Variants in IFIH1 observed in about 807,000 individuals in gnomAD.
IFIH1 encodes the protein interferon-induced helicase C domain-containing protein 1.
A neutral mutation model predicts 107.4 loss-of-function variants in IFIH1; 125 were observed. That is an observed-to-expected ratio of 1.16 (90% CI 1.01 to 1.35). The LOEUF (loss-of-function observed/expected upper bound fraction) is 1.35, where lower values mean the gene tolerates loss of function less well. IFIH1 is among the 40% of genes most tolerant of loss of function. IFIH1 has a pLI of 0.00. For missense variants in IFIH1, 1,333 were observed against 1,213.7 expected (o/e 1.10, Z -1.46); for synonymous variants, 458 against 413.2 (o/e 1.11, Z -1.31).
chr2:162,282,468 C>G lies in IFIH1; in HGVS notation c.1204G>C (p.Glu402Gln). The G allele has an allele frequency of 6.2e-7, 1 of 1,611,506 alleles. No homozygotes were observed. Among genetic ancestry groups the G allele is most frequent in the Non-Finnish European group, 8.5e-7 (1 of 1,178,272 alleles). Reference sequence around the variant, plus strand: ...ATAATATCACAGGACTTGACAACTTCTGGAAATGATATTTTCAGTTGGGTA... The same window carrying G: ...ATAATATCACAGGACTTGACAACTTGTGGAAATGATATTTTCAGTTGGGTA... The part of the protein sequence containing the change: ...GDTQLKISFP[E>Q]VVKSCDIIIS... Residue 402 changes from glutamate (E) to glutamine (Q), a missense_variant, in exon 6 of 16, where the codon GAA becomes CAA. Glu to Gln is a conservative substitution (Grantham distance 29). Transcript: ENST00000649979.
rs752494417 is a variant in IFIH1 at position 162,277,599 on chromosome 2, T to C, written c.1860A>G (p.Ile620Met). ...AAGTTTCAAGATGAGTATACGCATC[T>C]ATCATTCGAATTGTGTCATTAATTT... Reference protein sequence around the residue: ...ALQINDTIRMIDAYTHLETFY... With the variant: ...ALQINDTIRMMDAYTHLETFY... The change falls in exon 10 of 16, where the codon ATA (isoleucine) becomes ATG (methionine). Residue 620 changes from isoleucine to methionine, a missense_variant. Transcript: ENST00000649979. The C allele has an allele frequency of 1.9e-5, 30 of 1,613,062 alleles. No homozygotes were observed. In the Admixed American group the frequency reaches 4.2e-4, roughly 22 times the overall value.
intron 1 of IFIH1, among the ~76,000 whole-genome samples, chr2:162,314,197 AGCATCCTAAAAGAGGAGCAAG>A (rs1683429286): frequency 6.6e-6 from 1 of 152,202 alleles, no homozygotes; most frequent in Non-Finnish European, 1.5e-5. Flanking sequence ...ATTGTAACTT[AGCATCCTAAAAGAGGAGCAAG>A]GCAGTACAGG....
chr2:162,309,287 C>G (rs1007079767), intron 2 of IFIH1, among the ~76,000 whole-genome samples: 6 of 152,192 alleles, frequency 3.9e-5, no homozygotes, highest in Non-Finnish European at 7.4e-5. Flanking sequence ...GAGGATAGCT[C>G]TGCTTCTGAG....
chr2:162,285,266 G>A (rs1576228359), intron 5 of IFIH1, among the ~76,000 whole-genome samples: 1 of 151,980 alleles, frequency 6.6e-6, no homozygotes, highest in South Asian at 2.1e-4. Flanking sequence ...GAAAGTCTGG[G>A]AACACAGGTG....
intron 9 of IFIH1, 112 bp from the exon 10 acceptor site, chr2:162,277,805 T>C: frequency 7.7e-7 from 1 of 1,295,428 alleles, no homozygotes; most frequent in Admixed American, 2.8e-5. Flanking sequence ...ACCTTGGTTT[T>C]AAAATGGGCA....
rs865898522 is a variant in IFIH1 at position 162,281,326 on chromosome 2, A to C, written c.1524+2T>G. 9 of 1,609,156 alleles carry C rather than the reference A, an allele frequency of 5.6e-6. No homozygotes were observed. The highest frequency in any genetic ancestry group is 6.8e-6 in the Non-Finnish European group (8 of 1,176,674). The stretch of plus-strand genomic sequence containing the variant: ...TTGGTTATACATAAAATTATGACTT[A>C]CTTTTAAAATGTGTTCTTCAGCTTT... On this transcript the variant is annotated splice_donor_variant, in intron 7 of 15. Transcript: ENST00000649979. LOFTEE classifies it high-confidence loss of function.
At chr2:162,272,439 C>A in intron 12 of IFIH1, 52 bp from the exon 13 acceptor site, 1 of 1,500,474 alleles carries the variant, frequency 6.7e-7, no homozygotes, top group South Asian at 1.2e-5. Context: ...TGATACAAAT[C>A]CTCCTGGTTT....
At chr2:162,273,715 TG>T in intron 12 of IFIH1, 79 bp downstream of exon 12, 1 of 1,049,696 alleles carries the variant, frequency 9.5e-7, no homozygotes, top group South Asian at 2.0e-5. Flanking sequence ...ATGTTTTTGC[TG>T]TTTAACTAAA....
intron 1 of IFIH1, among the ~76,000 whole-genome samples, chr2:162,313,247 A>T (rs1363889827): frequency 6.6e-6 from 1 of 152,210 alleles, no homozygotes; most frequent in African/African-American, 2.4e-5. Flanking sequence ...CTCCTAAAAC[A>T]TTGTAAAGAT....
At position 162,267,461 on chromosome 2, in the gene IFIH1, C is replaced by A. The variant is rs749437569; in HGVS notation, c.2898+18G>T. 1 of 1,611,912 alleles carries A rather than the reference C, an allele frequency of 6.2e-7. No individual in the cohort carries two copies. The highest frequency in any genetic ancestry group is 1.3e-5 in the African/African-American group (1 of 74,872). On this transcript the variant is annotated intron_variant, in intron 15 of 15. Transcript: ENST00000649979. ...CCTGTTGGCTAAAGTAAAATCTGGC[C>A]CACAGCAATTTACTCACCTGGCCAC...
chr2:162,283,404 G>A (rs188519571), intron 5 of IFIH1, among the ~76,000 whole-genome samples: 1 of 152,066 alleles, frequency 6.6e-6, no homozygotes, highest in East Asian at 1.9e-4. Context: ...AGGTAGCTGG[G>A]TTGACACCTC....
At position 162,317,885 on chromosome 2, in the gene IFIH1, C is replaced by G; in HGVS notation, c.423G>C (p.Glu141Asp). The change falls in exon 1 of 16, where the codon GAG (glutamate) becomes GAC (aspartate). Residue 141 changes from glutamate to aspartate, a missense_variant. Glu to Asp is a conservative substitution (Grantham distance 45, BLOSUM62 2). Coordinates refer to ENST00000649979, the MANE Select transcript of IFIH1 (RefSeq NM_022168.4). Reference sequence around the variant, plus strand: ...TTCTGTCTTCAATTGTCAACAGTTCCTCCTCCATGCACTTATCCAAGACGT... The same window carrying G: ...TTCTGTCTTCAATTGTCAACAGTTCGTCCTCCATGCACTTATCCAAGACGT... ...VRDVLDKCME[E>D]ELLTIEDRNR... The G allele has an allele frequency of 6.2e-7, 1 of 1,600,302 alleles. No homozygotes were observed. Among genetic ancestry groups the G allele is most frequent in the South Asian group, 1.1e-5 (1 of 88,814 alleles).
intron 12 of IFIH1, among the ~76,000 whole-genome samples, 158 bp from the exon 13 acceptor site, chr2:162,272,545 A>G (rs1416627398): frequency 2.6e-5 from 4 of 152,194 alleles, no homozygotes; most frequent in Non-Finnish European, 1.5e-5. Flanking sequence ...TTAGTTATTA[A>G]TCCATTACTT....
Position 162,269,114 on chromosome 2 carries a change from G to A in IFIH1, c.2617-837C>T, listed in dbSNP as rs1023131880. Among the ~76,000 whole-genome samples the A allele has an allele frequency of 4.7e-4, 72 of 152,058 alleles. 1 individual carries two copies. Among genetic ancestry groups the A allele is most frequent in the Non-Finnish European group, 4.4e-5 (3 of 68,008 alleles). ...AGAAACCACTAGTTTTTCATTCAGT[G>A]TCCATTTTTCCTAACAGAACCATAA... On this transcript the variant is annotated intron_variant, in intron 13 of 15. Transcript: ENST00000649979.
At chr2:162,313,939 G>GT (rs1273192492) in intron 1 of IFIH1, among the ~76,000 whole-genome samples, 4 of 152,152 alleles carry the variant, frequency 2.6e-5, no homozygotes, top group African/African-American at 7.2e-5. Context: ...TTCTTAGGTG[G>GT]ACTAGTCATG....
chr2:162,273,890 T>A lies in IFIH1; in HGVS notation c.2359A>T (p.Ile787Phe). 6.2e-7 allele frequency: 1 copy of A among 1,609,876 alleles called. No homozygotes were observed. The highest frequency in any genetic ancestry group is 1.1e-5 in the South Asian group (1 of 90,670). ...KFRTGKINLLIATTVAEEGLD... is the reference protein window; with the variant it reads ...KFRTGKINLLFATTVAEEGLD... ...CCTTCTTCTGCCACTGTGGTAGCGA[T>A]AAGCAGATTTATTTTTCCAGTGCGA... Residue 787 changes from isoleucine (I) to phenylalanine (F), a missense_variant, in exon 12 of 16, where the codon ATC becomes TTC. Transcript: ENST00000649979.
At chr2:162,279,129 T>TA (rs1682763892) in intron 8 of IFIH1, among the ~76,000 whole-genome samples, 1 of 152,114 alleles carries the variant, frequency 6.6e-6, no homozygotes. Flanking sequence ...AACATGCATT[T>TA]AAAATTATCA....
rs58625397 is a variant in IFIH1 at position 162,281,607 on chromosome 2, T to A, written c.1307-62A>T. ...CAGCACACTACAGTGAGAAAATAGC[T>A]TTAGACCAGTAATTGAGCTGCCTTG... On this transcript the variant is annotated intron_variant, in intron 6 of 15. Transcript: ENST00000649979. The A allele has an allele frequency of 0.01, 12,628 of 1,232,114 alleles. 1,031 individuals are homozygous for A. The African/African-American group carries it at 0.17, about 17-fold the overall frequency. The allele number at this position is 1,232,114 out of a possible 1,614,324, so 76.3% of individuals were successfully genotyped here. A position where few individuals can be genotyped will look rare whatever the true frequency, so the allele number is the denominator to read the frequency against.
chr2:162,275,706 G>C (rs934245214), intron 11 of IFIH1, among the ~76,000 whole-genome samples: 2 of 152,262 alleles, frequency 1.3e-5, no homozygotes, highest in Admixed American at 6.5e-5. Context: ...TGTCCAGAAA[G>C]ACTCAGGGTC....
Sources: gnomAD v4.1 joint callset for allele counts (sites outside exome capture counted in the v4.1 genomes callset) on GRCh38, gnomAD v4.1.1 for gene constraint, MANE v1.5 for transcripts, NCBI Gene and HGNC (gene_info 2026-07-23, HGNC 2026-07-21) for gene names.